CADM2: variants seen among roughly 807,000 people sequenced by gnomAD.
CADM2 encodes the protein immunoglobulin superfamily member 4D.
A neutral mutation model predicts 49.8 loss-of-function variants in CADM2; 12 were observed. The ratio of observed to expected loss-of-function variants is 0.24; its 90% CI spans 0.15 to 0.39. The LOEUF is 0.39. Among genes scored for constraint, CADM2 ranks in the 10% least tolerant of loss-of-function variants. CADM2 has a pLI of 1.00. For missense variants in CADM2, 378 were observed against 492.3 expected, an observed-to-expected ratio of 0.77 and a Z score of 2.20; for synonymous variants, 214 against 175.4, an observed-to-expected ratio of 1.22 and a Z score of -1.74.
chr3:85,006,215 T>C (rs941478943), intron 1 of CADM2, among the ~76,000 whole-genome samples: 1 of 152,100 alleles, frequency 6.6e-6, no homozygotes, highest in Non-Finnish European at 1.5e-5. Flanking sequence ...AAAAGAGTTA[T>C]GAACAGAGAC....
chr3:86,025,930 T>A (rs1427011660), intron 8 of CADM2, among the ~76,000 whole-genome samples: 1 of 152,278 alleles, frequency 6.6e-6, no homozygotes, highest in Admixed American at 6.5e-5. Context: ...CTCAAAGGAA[T>A]CTTGAAAATG....
At chr3:85,681,405 G>C (rs994133934) in intron 1 of CADM2, among the ~76,000 whole-genome samples, 4 of 152,092 alleles carry the variant, frequency 2.6e-5, no homozygotes, top group African/African-American at 9.7e-5. Context: ...TTTAAGCTAA[G>C]TGCTGCAGGT....
At chr3:85,141,211 A>T (rs924889726) in intron 1 of CADM2, among the ~76,000 whole-genome samples, 26 of 152,224 alleles carry the variant, frequency 1.7e-4, no homozygotes, top group African/African-American at 6.3e-4. Flanking sequence ...CTCTGGAGCC[A>T]GAATACCTGG....
intron 7 of CADM2, among the ~76,000 whole-genome samples, chr3:85,959,057 T>TCTATATAG (rs1724465073): frequency 1.3e-5 from 2 of 150,926 alleles, no homozygotes; most frequent in South Asian, 2.1e-4. Context: ...TATCTATATA[T>TCTATATAG]CTATATCTAT....
At chr3:85,069,782 C>T (rs1575804905) in intron 1 of CADM2, among the ~76,000 whole-genome samples, 1 of 152,152 alleles carries the variant, frequency 6.6e-6, no homozygotes, top group South Asian at 2.1e-4. Flanking sequence ...TACCATTTTT[C>T]TTAATGTCTA....
chr3:85,404,951 C>T (rs1233772355), intron 1 of CADM2, among the ~76,000 whole-genome samples: 2 of 152,060 alleles, frequency 1.3e-5, no homozygotes, highest in African/African-American at 4.8e-5. Context: ...TCCTATTTTA[C>T]AGTTATATTC....
chr3:85,388,633 C>G (rs2034366012), intron 1 of CADM2, among the ~76,000 whole-genome samples: 1 of 152,006 alleles, frequency 6.6e-6, no homozygotes, highest in Non-Finnish European at 1.5e-5. Flanking sequence ...GTGGGATACA[C>G]AAGCTCTGAT....
At chr3:85,807,557 C>T (rs1285813574) in intron 3 of CADM2, among the ~76,000 whole-genome samples, 1 of 151,028 alleles carries the variant, frequency 6.6e-6, no homozygotes, top group African/African-American at 2.4e-5. Flanking sequence ...TCAGCATTGT[C>T]CACGAGAACA....
chr3:85,052,196 T>C (rs2035907054), intron 1 of CADM2, among the ~76,000 whole-genome samples: 1 of 152,168 alleles, frequency 6.6e-6, no homozygotes, highest in African/African-American at 2.4e-5. Flanking sequence ...CAACTGTGAT[T>C]GAAGCTATTT....
chr3:85,553,122 TA>T (rs1230218429), intron 1 of CADM2, among the ~76,000 whole-genome samples: 1 of 152,108 alleles, frequency 6.6e-6, no homozygotes, highest in African/African-American at 2.4e-5. Flanking sequence ...TAAAAAATAC[TA>T]GGGGTCTCTA....
At chr3:85,744,399 G>C (rs1364635252) in intron 2 of CADM2, among the ~76,000 whole-genome samples, 6 of 152,056 alleles carry the variant, frequency 3.9e-5, no homozygotes, top group Admixed American at 3.9e-4. Flanking sequence ...ATAAATGCTT[G>C]AGGTGAAGGA....
At position 85,843,142 on chromosome 3, in the gene CADM2, GA is replaced by G. The variant is rs765469709; in HGVS notation, c.239-40144del. ...CTTAGATACACTAGACACATCTTTTGAAAAATGCATTTTGGAAAAACATGGA... is the reference window on the plus strand; with the variant it reads ...CTTAGATACACTAGACACATCTTTTGAAAATGCATTTTGGAAAAACATGGA... On this transcript the variant is annotated intron_variant, in intron 3 of 9. Transcript: ENST00000383699. Among the ~76,000 whole-genome samples, 25 of 152,110 alleles carry G rather than the reference GA, an allele frequency of 1.6e-4. No individual in the cohort carries two copies. The East Asian group carries it at 4.5e-3, about 27-fold the overall frequency.
At chr3:85,557,542 T>G (rs2061991361) in intron 1 of CADM2, among the ~76,000 whole-genome samples, 1 of 151,676 alleles carries the variant, frequency 6.6e-6, no homozygotes, top group Non-Finnish European at 1.5e-5. Flanking sequence ...ATTTATTTAA[T>G]AATGAAATAT....
chr3:85,677,999 A>G (rs1197753956), intron 1 of CADM2, among the ~76,000 whole-genome samples: 2 of 152,224 alleles, frequency 1.3e-5, no homozygotes, highest in African/African-American at 4.8e-5. Flanking sequence ...TTGGAGGATA[A>G]CAAAGAGATA....
At chr3:84,970,528 T>C (rs1342929091) in intron 1 of CADM2, among the ~76,000 whole-genome samples, 1 of 152,052 alleles carries the variant, frequency 6.6e-6, no homozygotes, top group African/African-American at 2.4e-5. Context: ...TGTGGATTTT[T>C]GACTGTTTCA....
At chr3:85,131,122 C>G (rs897486529) in intron 1 of CADM2, among the ~76,000 whole-genome samples, 1 of 151,584 alleles carries the variant, frequency 6.6e-6, no homozygotes, top group Non-Finnish European at 1.5e-5. Context: ...GAGGTAGCAG[C>G]GAGCCAAGAT....
chr3:85,802,255 A>C, intron 3 of CADM2, 59 bp downstream of exon 3: 2 of 1,426,244 alleles, frequency 1.4e-6, no homozygotes, highest in African/African-American at 1.5e-5. Flanking sequence ...AATTACAATA[A>C]ATTTATTTTT....
chr3:85,217,939 C>G (rs913809675), intron 1 of CADM2, among the ~76,000 whole-genome samples: 2 of 151,968 alleles, frequency 1.3e-5, no homozygotes, highest in African/African-American at 2.4e-5. Context: ...TTTTTATTCT[C>G]TTTAAATAAC....
At chr3:85,311,841 T>C (rs990217571) in intron 1 of CADM2, among the ~76,000 whole-genome samples, 1 of 152,106 alleles carries the variant, frequency 6.6e-6, no homozygotes, top group African/African-American at 2.4e-5. Flanking sequence ...GTCTAAATGG[T>C]TTTTACAGAC....
Sources: gnomAD v4.1 joint callset for allele counts (sites outside exome capture counted in the v4.1 genomes callset) on GRCh38, gnomAD v4.1.1 for gene constraint, MANE v1.5 for transcripts, NCBI Gene and HGNC (gene_info 2026-07-23, HGNC 2026-07-21) for gene names.